Variants in CTNNA3 observed in about 807,000 individuals in gnomAD.
CTNNA3 encodes catenin alpha-3.
A neutral mutation model predicts 95.7 loss-of-function variants in CTNNA3; 76 were observed. The ratio of observed to expected loss-of-function variants is 0.79; its 90% CI spans 0.66 to 0.96. CTNNA3 has a LOEUF of 0.96. CTNNA3 is among the 40% of genes least tolerant of loss of function. CTNNA3 has a pLI of 0.00. For synonymous variants in CTNNA3, 431 were observed against 374.4 expected (o/e 1.15, Z -1.74); for missense variants, 1,191 against 1,089.8 (o/e 1.09, Z -1.31).
chr10:66,927,161 A>G lies in CTNNA3; in HGVS notation c.1048-151637T>C. The stretch of plus-strand genomic sequence containing the variant: ...CAAAAACTTAAGTATAATCAATTTA[A>G]AGGGCTCAACCAGCTCACCTGGCTA... On this transcript the variant is annotated intron_variant, in intron 7 of 17. Transcript: ENST00000433211. This position sits in a 1 kb window ranked among gnomAD's most constrained non-coding sequence, Gnocchi z 4.7. The G allele has an allele frequency of 6.2e-7, 1 of 1,614,184 alleles. No individual in the cohort carries two copies.
chr10:67,261,727 C>T (rs1296485398), intron 5 of CTNNA3, among the ~76,000 whole-genome samples: 1 of 152,130 alleles, frequency 6.6e-6, no homozygotes, highest in African/African-American at 2.4e-5. Flanking sequence ...TTTATTGTCT[C>T]TATTTACTAT....
intron 7 of CTNNA3, among the ~76,000 whole-genome samples, chr10:67,164,377 G>C (rs1215076838): frequency 2.0e-5 from 3 of 152,070 alleles, no homozygotes. Context: ...AATAGTGCTA[G>C]AGCAACTGGA....
chr10:67,641,773 C>T (rs1228607120), intron 2 of CTNNA3, among the ~76,000 whole-genome samples: 7 of 152,202 alleles, frequency 4.6e-5, no homozygotes, highest in South Asian at 2.1e-4. Flanking sequence ...AACCAAACAC[C>T]ACGTGTTCTC....
chr10:66,646,878 T>C (rs1006280391), intron 9 of CTNNA3, among the ~76,000 whole-genome samples: 2 of 152,150 alleles, frequency 1.3e-5, no homozygotes, highest in Non-Finnish European at 2.9e-5. Context: ...AATTTTAGTT[T>C]ATAGTAGCCC....
chr10:66,850,505 T>G (rs1054812821), intron 7 of CTNNA3, among the ~76,000 whole-genome samples: 2 of 152,180 alleles, frequency 1.3e-5, no homozygotes, highest in African/African-American at 4.8e-5. Flanking sequence ...GCCTTAATCA[T>G]GCTAGGATGT....
intron 7 of CTNNA3, among the ~76,000 whole-genome samples, chr10:66,935,915 G>C (rs1365728723): frequency 6.6e-6 from 1 of 151,752 alleles, no homozygotes; most frequent in East Asian, 1.9e-4. Flanking sequence ...CCCACAAAAG[G>C]CTTCTCAAAG....
rs373521164 is a variant in CTNNA3 at position 66,556,485 on chromosome 10, G to A, written c.1375-35712C>T. Among the ~76,000 whole-genome samples the A allele has an allele frequency of 3.6e-4, 54 of 152,054 alleles. 1 individual carries two copies. In the South Asian group the frequency reaches 0.011, roughly 31 times the overall value. ...CTATGTATCTGTGAATGCATATAAGGAAATTATGATATATGTGTACATATA... is the reference window on the plus strand; with the variant it reads ...CTATGTATCTGTGAATGCATATAAGAAAATTATGATATATGTGTACATATA... On this transcript the variant is annotated intron_variant, in intron 10 of 17. Transcript: ENST00000433211.
At chr10:67,394,874 T>C (rs554577455) in intron 5 of CTNNA3, among the ~76,000 whole-genome samples, 1 of 152,172 alleles carries the variant, frequency 6.6e-6, no homozygotes, top group East Asian at 1.9e-4. Context: ...TGAAAAGCTA[T>C]CATAAGAATA....
chr10:67,627,779 C>A (rs578105060), intron 2 of CTNNA3, among the ~76,000 whole-genome samples: 6 of 151,868 alleles, frequency 4.0e-5, no homozygotes, highest in African/African-American at 1.4e-4. Context: ...TGATATAAAA[C>A]AGTTCAAAAT....
chr10:67,750,647 T>A (rs769368119), intron 1 of CTNNA3: 21 of 1,548,988 alleles, frequency 1.4e-5, no homozygotes, highest in Non-Finnish European at 1.9e-5. Context: ...GGGGATGATT[T>A]TTTCCGCAAA....
intron 1 of CTNNA3, among the ~76,000 whole-genome samples, chr10:67,754,900 A>T (rs185832479): frequency 6.6e-6 from 1 of 151,494 alleles, no homozygotes; most frequent in African/African-American, 2.4e-5. Context: ...GACATTTCTC[A>T]AAAGAATACA....
At chr10:66,830,614 T>TTC (rs371921193) in intron 7 of CTNNA3, among the ~76,000 whole-genome samples, 36 of 151,754 alleles carry the variant, frequency 2.4e-4, no homozygotes, top group Admixed American at 2.4e-3. Context: ...TTTTTTTTTT[T>TTC]GTTTTTCCTT....
chr10:67,330,821 T>C (rs780653406), intron 5 of CTNNA3, among the ~76,000 whole-genome samples: 9 of 152,144 alleles, frequency 5.9e-5, no homozygotes, highest in Non-Finnish European at 1.0e-4. Flanking sequence ...TATTTCACCC[T>C]GCCAAAGAGA....
chr10:66,454,546 A>G (rs542441921), intron 11 of CTNNA3, among the ~76,000 whole-genome samples: 23 of 152,130 alleles, frequency 1.5e-4, no homozygotes, highest in Non-Finnish European at 2.8e-4. Context: ...GAAGAAATAT[A>G]TACTCTGAAT....
At chr10:67,514,464 T>C (rs1046288975) in intron 5 of CTNNA3, among the ~76,000 whole-genome samples, 5 of 152,146 alleles carry the variant, frequency 3.3e-5, no homozygotes, top group African/African-American at 1.2e-4. Flanking sequence ...CATGCACAGA[T>C]CACTTTCAAA....
rs761137641 is a variant in CTNNA3, at chr10:67,673,244, C to T, written c.-6+22756G>A. On this transcript the variant is annotated intron_variant, in intron 1 of 17. Coordinates refer to ENST00000433211, the MANE Select transcript of CTNNA3 (RefSeq NM_013266.4). ...AGACTTTGCTGAAGTTGCTTATCAGCTTAAGGAGATTTTGGGCTGAGACAA... is the reference window on the plus strand; with the variant it reads ...AGACTTTGCTGAAGTTGCTTATCAGTTTAAGGAGATTTTGGGCTGAGACAA... Among the ~76,000 whole-genome samples, 619 of 136,484 alleles carry T rather than the reference C, an allele frequency of 4.5e-3. 1 individual carries two copies. The highest frequency in any genetic ancestry group is 8.7e-3 in the Middle Eastern group (2 of 230). 89.5% of individuals were successfully genotyped at this position (136,484 alleles called of 152,430 possible).
chr10:66,222,655 G>C (rs951722336), intron 13 of CTNNA3, among the ~76,000 whole-genome samples: 2 of 143,194 alleles, frequency 1.4e-5, no homozygotes, highest in Non-Finnish European at 3.1e-5. Context: ...AAGAGAGGAA[G>C]AGAGTAAGGA....
At chr10:67,372,239 C>T (rs1483338443) in intron 5 of CTNNA3, among the ~76,000 whole-genome samples, 2 of 152,072 alleles carry the variant, frequency 1.3e-5, no homozygotes, top group Admixed American at 1.3e-4. Context: ...TAATTAGATC[C>T]CATTTGTCAA....
intron 7 of CTNNA3, among the ~76,000 whole-genome samples, chr10:66,971,610 T>C (rs115807480): frequency 2.6e-5 from 4 of 152,214 alleles, no homozygotes; most frequent in African/African-American, 7.2e-5. Flanking sequence ...GTAATGCACC[T>C]AGTAGAGTGC....
Sources: gnomAD v4.1 joint callset for allele counts (sites outside exome capture counted in the v4.1 genomes callset) on GRCh38, gnomAD v4.1.1 for gene constraint, Gnocchi (gnomAD v3.1) non-coding constraint, MANE v1.5 for transcripts, NCBI Gene and HGNC (gene_info 2026-07-23, HGNC 2026-07-21) for gene names.